DENND3: variants seen among roughly 807,000 people sequenced by gnomAD.
DENND3 encodes the protein DENN domain-containing protein 3.
A neutral mutation model predicts 135.1 loss-of-function variants in DENND3; 88 were observed. The observed-to-expected ratio is 0.65, with a 90% CI of 0.55 to 0.78. The LOEUF (loss-of-function observed/expected upper bound fraction) is 0.78, where lower values mean the gene tolerates loss of function less well. Ranked by LOEUF, DENND3 falls within the 30% of genes least tolerant of loss-of-function variation. The pLI, the probability that DENND3 is intolerant of heterozygous loss-of-function variation, is 0.00. For synonymous variants in DENND3, 693 were observed against 712.3 expected, an observed-to-expected ratio of 0.97 and a Z score of 0.43; for missense variants, 1,392 against 1,688.4, an observed-to-expected ratio of 0.82 and a Z score of 3.08.
Position 141,136,734 on chromosome 8 carries a change from G to A in DENND3, c.328G>A (p.Asp110Asn). 1 of 1,606,882 alleles carries A rather than the reference G, an allele frequency of 6.2e-7. No homozygotes were observed. The highest frequency in any genetic ancestry group is 8.5e-7 in the Non-Finnish European group (1 of 1,177,080). ...PGPPRAPEPE[D>N]VAVPGGVDLL... is the part of the protein sequence containing the mutation. ...GCCCCCCAGAGCGCCAGAGCCTGAG[G>A]ATGTCGCCGTCCCGGGCGGCGTGGA... The change falls in exon 2 of 23, where the codon GAT (aspartate) becomes AAT (asparagine). Residue 110 changes from aspartate to asparagine, a missense_variant. Coordinates refer to ENST00000519811, the MANE Select transcript of DENND3 (RefSeq NM_001352890.3).
At chr8:141,145,191 C>T (rs1233590035) in intron 5 of DENND3, among the ~76,000 whole-genome samples, 1 of 152,238 alleles carries the variant, frequency 6.6e-6, no homozygotes, top group African/African-American at 2.4e-5. Context: ...GCCTCAGCCG[C>T]ACACCCCCTT....
chr8:141,166,121 CT>C lies in DENND3; in HGVS notation c.1554-67del. 2 of 1,478,158 alleles carry C rather than the reference CT, an allele frequency of 1.4e-6. No homozygotes were observed. Among genetic ancestry groups the C allele is most frequent in the Non-Finnish European group, 1.9e-6 (2 of 1,064,588 alleles). The allele number at this position is 1,478,158 out of a possible 1,614,324, so 91.6% of individuals were successfully genotyped here. A position where few individuals can be genotyped will look rare whatever the true frequency, so the allele number is the denominator to read the frequency against. ...GCTCTTCATCACACTGGGAAAAATG[CT>C]TAGTTTAGGCTTATTCTTCAATCAT... On this transcript the variant is annotated intron_variant, in intron 11 of 22. Coordinates refer to ENST00000519811, the MANE Select transcript of DENND3 (RefSeq NM_001352890.3). This position sits in a 1 kb window ranked among gnomAD's most constrained non-coding sequence, Gnocchi z 4.3.
intron 13 of DENND3, among the ~76,000 whole-genome samples, chr8:141,169,007 C>T (rs1224517111): frequency 1.3e-5 from 2 of 152,012 alleles, no homozygotes; most frequent in Non-Finnish European, 2.9e-5. Flanking sequence ...TATAGGCATG[C>T]GCCTCCACAC....
Position 141,166,346 on chromosome 8 carries a change from G to A in DENND3, c.1710G>A (p.Ser570=), listed in dbSNP as rs1820789921. ...CTGAGCTGGCACCCAGGAACTCCTC[G>A]CTCCGGCTGACGGACACCGCAGGCT... The part of the protein sequence containing the change: ...AMPELAPRNS[S]LRLTDTAGCR... Residue 570 remains serine, a synonymous_variant, in exon 12 of 23, where the codon TCG becomes TCA. Coordinates refer to ENST00000519811, the MANE Select transcript of DENND3 (RefSeq NM_001352890.3). The surrounding 1 kb of genome is among the most constrained non-coding windows in gnomAD (Gnocchi z 4.3). 2 of 1,613,356 alleles carry A rather than the reference G, an allele frequency of 1.2e-6. No homozygotes were observed. Among genetic ancestry groups the A allele is most frequent in the Non-Finnish European group, 1.7e-6 (2 of 1,179,990 alleles).
chr8:141,168,677 C>A lies in DENND3; in HGVS notation c.2275+152C>A. The stretch of plus-strand genomic sequence containing the variant: ...CCTCCCACCTCAGCCTCCCGAGTAG[C>A]TGGGACTAGACTACAGGTACGCGAC... On this transcript the variant is annotated intron_variant, in intron 13 of 22. Transcript: ENST00000519811. The surrounding 1 kb of genome is among the most constrained non-coding windows in gnomAD (Gnocchi z 6.2). The A allele has an allele frequency of 2.1e-6, 2 of 956,176 alleles. No homozygotes were observed. The highest frequency in any genetic ancestry group is 3.1e-6 in the Non-Finnish European group (2 of 654,286). The allele number at this position is 956,176 out of a possible 1,614,324, so 59.2% of individuals were successfully genotyped here.
chr8:141,160,057 C>T (rs562411702), intron 8 of DENND3, among the ~76,000 whole-genome samples: 494 of 152,340 alleles, frequency 3.2e-3, no homozygotes, highest in Non-Finnish European at 4.5e-3. Flanking sequence ...GGGGAGTGCC[C>T]TCACTGCAGT....
chr8:141,185,531 C>A (rs746322728), intron 18 of DENND3: 2 of 418,814 alleles, frequency 4.8e-6, no homozygotes, highest in Non-Finnish European at 8.6e-6. Context: ...AGATTTCAGG[C>A]CCCCATCTAA....
rs184797673 is a variant in DENND3, at chr8:141,157,518, C to A, written c.1196+1548C>A. ...CGCTGGAGGGAGGGGAGCGCTTAGG[C>A]TTTTTGCAAACAGCCGGGCTGTACT... On this transcript the variant is annotated intron_variant, in intron 8 of 22. Coordinates refer to ENST00000519811, the MANE Select transcript of DENND3 (RefSeq NM_001352890.3). 193 of 985,812 alleles carry A rather than the reference C, an allele frequency of 2.0e-4. 1 individual carries two copies. The Admixed American group carries it at 2.8e-3, about 14-fold the overall frequency. 61.1% of individuals were successfully genotyped at this position (985,812 alleles called of 1,614,324 possible).
At chr8:141,148,358 C>T (rs1312794237) in intron 5 of DENND3, among the ~76,000 whole-genome samples, 1 of 152,188 alleles carries the variant, frequency 6.6e-6, no homozygotes, top group African/African-American at 2.4e-5. Flanking sequence ...CATGGACCAA[C>T]AGCCGGAGCA....
rs756841957 is a variant in DENND3 at position 141,174,896 on chromosome 8, C to A, written c.2276-304C>A. On this transcript the variant is annotated intron_variant, in intron 13 of 22. Transcript: ENST00000519811. The surrounding 1 kb of genome is among the most constrained non-coding windows in gnomAD (Gnocchi z 4.6). ...GTCCTTGTCCGGAAGGACTTTCCTACCCAAAGGTAAGAGTTGCTGTGACTA... is the reference window on the plus strand; with the variant it reads ...GTCCTTGTCCGGAAGGACTTTCCTAACCAAAGGTAAGAGTTGCTGTGACTA... Among the ~76,000 whole-genome samples the A allele has an allele frequency of 2.7e-5, 4 of 147,728 alleles. No individual in the cohort carries two copies. The highest frequency in any genetic ancestry group is 1.1e-4 in the African/African-American group (4 of 37,276).
chr8:141,188,938 C>T, intron 18 of DENND3, 48 bp from the exon 19 acceptor site: 1 of 1,597,248 alleles, frequency 6.3e-7, no homozygotes, highest in Middle Eastern at 1.7e-4. Context: ...ATGACTTCAC[C>T]AGTATCGAGA....
chr8:141,182,577 C>A lies in DENND3; in HGVS notation c.2944+1723C>A. On this transcript the variant is annotated intron_variant, in intron 17 of 22. Transcript: ENST00000519811. This position sits in a 1 kb window ranked among gnomAD's most constrained non-coding sequence, Gnocchi z 5.9. The stretch of plus-strand genomic sequence containing the variant: ...GCGAGGAGTTCAGGCGGCTTCCCCT[C>A]CAGGAGCATCTCGAAGGCCTGCAGA... The A allele has an allele frequency of 1.2e-6, 1 of 815,316 alleles. No individual in the cohort carries two copies. The highest frequency in any genetic ancestry group is 1.5e-6 in the Non-Finnish European group (1 of 675,592). 50.5% of individuals were successfully genotyped at this position (815,316 alleles called of 1,614,324 possible). A position where few individuals can be genotyped will look rare whatever the true frequency, so the allele number is the denominator to read the frequency against.
At position 141,128,987 on chromosome 8, in the gene DENND3, G is replaced by A. The variant is rs1216345442; in HGVS notation, c.102+178G>A. On this transcript the variant is annotated intron_variant, in intron 1 of 22. Transcript: ENST00000519811. The surrounding 1 kb of genome is among the most constrained non-coding windows in gnomAD (Gnocchi z 4.5). ...CGGGGATCGCGCCCGAGCTCAGGCA[G>A]GTGCCCTGGAGCAGCGCCCTGCTCC... Among the ~76,000 whole-genome samples, 4 of 152,344 alleles carry A rather than the reference G, an allele frequency of 2.6e-5. No homozygotes were observed. The East Asian group carries it at 7.7e-4, about 29-fold the overall frequency.
At chr8:141,192,823 G>A (rs762234276) in intron 22 of DENND3, 160 bp downstream of exon 22, 129 of 1,553,414 alleles carry the variant, frequency 8.3e-5, no homozygotes, top group Non-Finnish European at 1.0e-4. Context: ...TGGTGCCAAC[G>A]GGCCCACAGG....
In DENND3 at chr8:141,180,802, C is replaced by T. The variant is rs1367436500; in HGVS notation, c.2892C>T (p.Pro964=). Residue 964 remains proline, a synonymous_variant, in exon 17 of 23, where the codon CCC becomes CCT. Coordinates refer to ENST00000519811, the MANE Select transcript of DENND3 (RefSeq NM_001352890.3). The part of the protein sequence containing the change: ...TLETLKHKIN[P]SAGEAFPQAV... ...AAACACTGAAGCATAAAATCAACCC[C>T]TCGGCGGGGGAGGCGTTCCCACAAG... 1.2e-6 allele frequency: 2 copies of T among 1,613,706 alleles called. No individual in the cohort carries two copies. Among genetic ancestry groups the T allele is most frequent in the South Asian group, 2.2e-5 (2 of 90,908 alleles).
intron 20 of DENND3, 65 bp from the exon 21 acceptor site, chr8:141,192,266 T>C: frequency 6.3e-7 from 1 of 1,589,076 alleles, no homozygotes; most frequent in Non-Finnish European, 8.6e-7. Context: ...AGGCCGGCTC[T>C]GGTGCTGGCG....
chr8:141,161,491 T>C (rs906269084), intron 9 of DENND3, among the ~76,000 whole-genome samples: 2 of 152,256 alleles, frequency 1.3e-5, no homozygotes, highest in African/African-American at 4.8e-5. Flanking sequence ...AGTACAGGTA[T>C]TGAGTTGCTA....
At chr8:141,169,122 G>A (rs537937614) in intron 13 of DENND3, among the ~76,000 whole-genome samples, 1 of 152,382 alleles carries the variant, frequency 6.6e-6, no homozygotes, top group African/African-American at 2.4e-5. Context: ...GCCCCCCAAA[G>A]TGCTGGGATT....
At chr8:141,187,129 G>A (rs1271744932) in intron 18 of DENND3, among the ~76,000 whole-genome samples, 1 of 151,802 alleles carries the variant, frequency 6.6e-6, no homozygotes, top group Non-Finnish European at 1.5e-5. Context: ...CCCATCATGG[G>A]ATCTGCTGAG....
Sources: allele counts gnomAD v4.1 joint callset (sites outside exome capture counted in the v4.1 genomes callset), GRCh38; gene constraint gnomAD v4.1.1; non-coding constraint Gnocchi (gnomAD v3.1); transcripts MANE v1.5; gene names NCBI Gene and HGNC (gene_info 2026-07-23, HGNC 2026-07-21).